FBN1: variants seen among roughly 807,000 people sequenced by gnomAD.
The protein encoded by FBN1 is fibrillin 1.
Under a neutral mutation model 365.1 loss-of-function variants are expected in FBN1, and 29 were observed. That is an observed-to-expected ratio of 0.08 (90% CI 0.06 to 0.11). The LOEUF (loss-of-function observed/expected upper bound fraction) is 0.11, where lower values mean the gene tolerates loss of function less well. FBN1 is among the 10% of genes least tolerant of loss of function. The probability of loss-of-function intolerance (pLI) is 1.00; values close to 1 mark genes in which losing one functional copy is unlikely to be tolerated. For synonymous variants in FBN1, 1,210 were observed against 1,270.5 expected (o/e 0.95, Z 1.01); for missense variants, 2,476 against 3,703.2 (o/e 0.67, Z 8.60).
chr15:48,621,802 C>T (rs1274098751), intron 2 of FBN1, among the ~76,000 whole-genome samples: 3 of 148,878 alleles, frequency 2.0e-5, no homozygotes, highest in Non-Finnish European at 3.0e-5. Context: ...TCCTGCCTAA[C>T]ACAGTGAAAC....
chr15:48,629,398 T>A (rs1251014832), intron 2 of FBN1, among the ~76,000 whole-genome samples: 1 of 152,130 alleles, frequency 6.6e-6, no homozygotes, highest in African/African-American at 2.4e-5. Flanking sequence ...TTAAGACAGA[T>A]CAACCAATTG....
intron 6 of FBN1, among the ~76,000 whole-genome samples, chr15:48,561,759 T>C (rs2044223575): frequency 6.6e-6 from 1 of 152,238 alleles, no homozygotes; most frequent in African/African-American, 2.4e-5. Flanking sequence ...CGTATGTTTT[T>C]ACTCATCCTT....
chr15:48,488,823 T>C (rs1052913421), intron 25 of FBN1, among the ~76,000 whole-genome samples: 1 of 152,328 alleles, frequency 6.6e-6, no homozygotes, highest in East Asian at 1.9e-4. Context: ...ACCACTAGTA[T>C]CTATATTTAA....
At chr15:48,608,189 GAAC>G (rs2044628850) in intron 4 of FBN1, among the ~76,000 whole-genome samples, 1 of 152,160 alleles carries the variant, frequency 6.6e-6, no homozygotes, top group African/African-American at 2.4e-5. Context: ...CCACCTGAAA[GAAC>G]AACACTTCTT....
intron 8 of FBN1, among the ~76,000 whole-genome samples, chr15:48,528,680 A>C (rs1396713831): frequency 2.0e-5 from 3 of 152,176 alleles, no homozygotes; most frequent in Non-Finnish European, 4.4e-5. Context: ...AATATGTCAT[A>C]GTGCACACCT....
intron 2 of FBN1, among the ~76,000 whole-genome samples, chr15:48,620,254 C>T (rs1270246638): frequency 2.6e-5 from 4 of 152,048 alleles, no homozygotes; most frequent in Admixed American, 2.0e-4. Flanking sequence ...GAAGAGATGA[C>T]GATGTATGTA....
chr15:48,554,932 TTTCTA>T (rs1314935214), intron 6 of FBN1, among the ~76,000 whole-genome samples: 1 of 152,232 alleles, frequency 6.6e-6, no homozygotes, highest in Non-Finnish European at 1.5e-5. Flanking sequence ...ATTGTAACTC[TTTCTA>T]TTCTATGACA....
chr15:48,568,018 A>AAAGAAAGC (rs2044270972), intron 6 of FBN1, among the ~76,000 whole-genome samples: 1 of 112,726 alleles, frequency 8.9e-6, no homozygotes, highest in Admixed American at 8.7e-5. Context: ...AGAAAGAAAG[A>AAAGAAAGC]AAGAAAGAAA....
At chr15:48,639,236 C>T (rs1890154911) in intron 2 of FBN1, among the ~76,000 whole-genome samples, 2 of 152,140 alleles carry the variant, frequency 1.3e-5, no homozygotes, top group Admixed American at 1.3e-4. Flanking sequence ...CCTCTGCATA[C>T]CTCGGCTCTC....
In FBN1 at chr15:48,644,817, C is replaced by A; in HGVS notation, c.-48G>T. On this transcript the variant is annotated 5_prime_UTR_variant, in exon 2 of 66. Coordinates refer to ENST00000316623, the MANE Select transcript of FBN1 (RefSeq NM_000138.5). ...CCGCCGCCTCTTGCCGCGCCCGGGG[C>A]TCGGTCTGCGGCCGCCGCTGCGCCC... is the stretch of plus-strand genomic sequence containing the variant. 6.3e-7 allele frequency: 1 copy of A among 1,576,530 alleles called. No individual in the cohort carries two copies. The highest frequency in any genetic ancestry group is 8.6e-7 in the Non-Finnish European group (1 of 1,166,238).
chr15:48,456,515 T>G, intron 44 of FBN1, 122 bp downstream of exon 44: 1 of 1,025,464 alleles, frequency 9.8e-7, no homozygotes, highest in Non-Finnish European at 1.5e-6. Context: ...ACCATGCCCT[T>G]TACTATTTCT....
chr15:48,445,385 T>A lies in FBN1; in HGVS notation c.5908A>T (p.Thr1970Ser). 1 of 1,612,560 alleles carries A rather than the reference T, an allele frequency of 6.2e-7. No individual in the cohort carries two copies. Among genetic ancestry groups the A allele is most frequent in the Non-Finnish European group, 8.5e-7 (1 of 1,179,136 alleles). The change falls in exon 48 of 66, where the codon ACC becomes TCC. Residue 1970 changes from threonine to serine, a missense_variant. Around this residue, in one of 5 missense-constraint regions of FBN1, gnomAD observed 1,780 missense variants for 2,840.8 expected, o/e 0.63. Coordinates refer to ENST00000316623, the MANE Select transcript of FBN1 (RefSeq NM_000138.5). ...TAAGTCCTGTACTTACCCACACAGG[T>A]CCTCCCATCTGGAGCCACCTCATAG... ...EGYEVAPDGRTCVDINECLLE... is the reference protein window; with the variant it reads ...EGYEVAPDGRSCVDINECLLE...
intron 6 of FBN1, among the ~76,000 whole-genome samples, chr15:48,593,808 A>C (rs1442743491): frequency 6.6e-6 from 1 of 152,192 alleles, no homozygotes; most frequent in Non-Finnish European, 1.5e-5. Flanking sequence ...TAAATGCTAT[A>C]AAAAGAGATG....
intron 24 of FBN1, among the ~76,000 whole-genome samples, chr15:48,491,099 T>C (rs1432441130): frequency 6.6e-6 from 1 of 152,224 alleles, no homozygotes; most frequent in Non-Finnish European, 1.5e-5. Flanking sequence ...CACTGAAGCA[T>C]CTTTCAACTG....
intron 17 of FBN1, among the ~76,000 whole-genome samples, chr15:48,499,355 G>A (rs1597571624): frequency 6.6e-6 from 1 of 152,186 alleles, no homozygotes; most frequent in Non-Finnish European, 1.5e-5. Context: ...GGTGAAATGT[G>A]CCTGTTAAAA....
At chr15:48,639,883 A>G (rs1462910196) in intron 2 of FBN1, among the ~76,000 whole-genome samples, 1 of 152,216 alleles carries the variant, frequency 6.6e-6, no homozygotes, top group Non-Finnish European at 1.5e-5. Context: ...GTAAAATCTT[A>G]TTTTCACATT....
At chr15:48,645,138 G>A (rs1410460548) in intron 1 of FBN1, among the ~76,000 whole-genome samples, 188 bp from the exon 2 acceptor site, 1 of 152,238 alleles carries the variant, frequency 6.6e-6, no homozygotes, top group Non-Finnish European at 1.5e-5. Flanking sequence ...CAGCAGCCCC[G>A]GCCGATCCCT....
chr15:48,511,014 C>T (rs2043754466), intron 13 of FBN1, among the ~76,000 whole-genome samples: 1 of 152,178 alleles, frequency 6.6e-6, no homozygotes, highest in Non-Finnish European at 1.5e-5. Flanking sequence ...CAATCACTTC[C>T]AGGGCTTATT....
intron 35 of FBN1, 109 bp downstream of exon 35, chr15:48,472,442 A>G: frequency 6.9e-7 from 1 of 1,455,012 alleles, no homozygotes; most frequent in Non-Finnish European, 9.5e-7. Context: ...AAATGAAGCT[A>G]AAACACACCT....
Sources: gnomAD v4.1 joint callset for allele counts (sites outside exome capture counted in the v4.1 genomes callset) on GRCh38, gnomAD v4.1.1 for gene constraint, gnomAD v4.1.1 regional missense constraint, MANE v1.5 for transcripts, NCBI Gene and HGNC (gene_info 2026-07-23, HGNC 2026-07-21) for gene names.